KIF26A: variants seen among roughly 807,000 people sequenced by gnomAD.
KIF26A encodes kinesin family member 26A, also known as kinesin-like protein KIF26A.
In KIF26A, 74 loss-of-function variants were observed where a neutral mutation model predicts 126.0. That is an observed-to-expected ratio of 0.59 (90% CI 0.49 to 0.71). The LOEUF (loss-of-function observed/expected upper bound fraction) is 0.71. Among genes scored for constraint, KIF26A ranks in the 30% least tolerant of loss-of-function variants. The pLI is 0.00. For missense variants in KIF26A, 2,984 were observed against 2,763.3 expected, an observed-to-expected ratio of 1.08 and a Z score of -1.79; for synonymous variants, 1,445 against 1,232.7, an observed-to-expected ratio of 1.17 and a Z score of -3.61.
At chr14:104,165,299 A>ATG (rs1429818311) in intron 4 of KIF26A, among the ~76,000 whole-genome samples, 1 of 141,624 alleles carries the variant, frequency 7.1e-6, no homozygotes, top group Non-Finnish European at 1.5e-5. Context: ...CTCTGTATGC[A>ATG]TGTGTGTCTG....
rs757486376 is a variant in KIF26A at position 104,179,369 on chromosome 14, G to A, written c.5450G>A (p.Gly1817Asp). The change falls in exon 14 of 15, where the codon GGC (glycine) becomes GAC (aspartate). Residue 1817 changes from glycine to aspartate, a missense_variant. By Grantham distance (94) the Gly-to-Asp change is moderately conservative. Coordinates refer to ENST00000423312, the MANE Select transcript of KIF26A (RefSeq NM_015656.2). ...CAGGGCCGGCTGATGCTGGAGCCTGGCCGCTGGCTGGAGCAGTGTGAGTCC... is the reference window on the plus strand; with the variant it reads ...CAGGGCCGGCTGATGCTGGAGCCTGACCGCTGGCTGGAGCAGTGTGAGTCC... ...ETQGRLMLEP[G>D]RWLEQFEVDP... The A allele has an allele frequency of 2.6e-6, 4 of 1,530,048 alleles. No individual in the cohort carries two copies. Among genetic ancestry groups the A allele is most frequent in the East Asian group, 4.9e-5 (2 of 40,790 alleles). 94.8% of individuals were successfully genotyped at this position (1,530,048 alleles called of 1,614,324 possible). A position where few individuals can be genotyped will look rare whatever the true frequency, so the allele number is the denominator to read the frequency against.
chr14:104,138,900 G>A (rs1014075949), intron 1 of KIF26A, 136 bp downstream of exon 1: 5 of 1,251,174 alleles, frequency 4.0e-6, no homozygotes, highest in Non-Finnish European at 5.0e-6. Context: ...GACCTCCGGG[G>A]ATGGAGGGAG....
rs781186307 is a variant in KIF26A at position 104,157,918 on chromosome 14, C to T, written c.899C>T (p.Ser300Leu). The T allele has an allele frequency of 9.9e-6, 15 of 1,521,602 alleles. No individual in the cohort carries two copies. The highest frequency in any genetic ancestry group is 2.5e-5 in the South Asian group (2 of 79,298). 94.3% of individuals were successfully genotyped at this position (1,521,602 alleles called of 1,614,324 possible). The change falls in exon 4 of 15, where the codon TCA (serine) becomes TTA (leucine). Residue 300 changes from serine to leucine, a missense_variant. Transcript: ENST00000423312. ...TCGGTGGGGGGCTCCACAGGCCCCTCAGCTGCAGCCTCCTTCTTCATAAGG... is the reference window on the plus strand; with the variant it reads ...TCGGTGGGGGGCTCCACAGGCCCCTTAGCTGCAGCCTCCTTCTTCATAAGG... ...PGSVGGSTGP[S>L]AAASFFIRAM...
At position 104,152,583 on chromosome 14, in the gene KIF26A, G is replaced by A. The variant is rs1176512888; in HGVS notation, c.735+122G>A. The A allele has an allele frequency of 4.5e-5, 40 of 889,218 alleles. 1 individual carries two copies. The Middle Eastern group carries it at 1.4e-3, about 31-fold the overall frequency. The allele number at this position is 889,218 out of a possible 1,614,324, so 55.1% of individuals were successfully genotyped here. Reference sequence around the variant, plus strand: ...GGCTTCCCTGAAGGGAGGGGACGGCGGGCATGGGGGTTCCTGACACTCCTG... The same window carrying A: ...GGCTTCCCTGAAGGGAGGGGACGGCAGGCATGGGGGTTCCTGACACTCCTG... On this transcript the variant is annotated intron_variant, in intron 3 of 14. Transcript: ENST00000423312. This position sits in a 1 kb window ranked among gnomAD's most constrained non-coding sequence, Gnocchi z 5.9.
intron 4 of KIF26A, among the ~76,000 whole-genome samples, chr14:104,165,613 G>C (rs556222654): frequency 1.2e-4 from 18 of 146,668 alleles, no homozygotes; most frequent in Admixed American, 5.3e-4. Flanking sequence ...GTGTGTCTCT[G>C]TCTCTGTATG....
At chr14:104,170,931 C>T (rs1426347749) in intron 5 of KIF26A, among the ~76,000 whole-genome samples, 2 of 152,224 alleles carry the variant, frequency 1.3e-5, no homozygotes, top group East Asian at 1.9e-4. Context: ...GCTTTGGAGA[C>T]GCCATTGCTT....
intron 5 of KIF26A, among the ~76,000 whole-genome samples, chr14:104,168,318 G>A (rs375583765): frequency 1.2e-3 from 183 of 152,314 alleles, no homozygotes; most frequent in South Asian, 2.7e-3. Flanking sequence ...GTGATGTAGC[G>A]AGCATTGTAC....
At position 104,176,770 on chromosome 14, in the gene KIF26A, G is replaced by A. The variant is rs746454581; in HGVS notation, c.3982G>A (p.Glu1328Lys). The change falls in exon 12 of 15, where the codon GAG becomes AAG. Residue 1328 changes from glutamate (E) to lysine (K), a missense_variant. Transcript: ENST00000423312. ...TGTGTCCTGGGGAGATGCTCCCACG[G>A]AGGTGGTGGCCTGCTCGGGGAGCCT... ...PAVSWGDAPTEVVACSGSLKA... is the reference protein window; with the variant it reads ...PAVSWGDAPTKVVACSGSLKA... 6.3e-6 allele frequency: 10 copies of A among 1,580,888 alleles called. No individual in the cohort carries two copies. Among genetic ancestry groups the A allele is most frequent in the Non-Finnish European group, 8.6e-6 (10 of 1,164,888 alleles).
chr14:104,179,336 C>T lies in KIF26A; in HGVS notation c.5417C>T (p.Ala1806Val). Residue 1806 changes from alanine to valine, a missense_variant, in exon 14 of 15, where the codon GCC becomes GTC. Physicochemically the swap from Ala to Val is moderately conservative, Grantham distance 64. Transcript: ENST00000423312. ...AKHKHLCEEL[A>V]ETQGRLMLEP... Reference sequence around the variant, plus strand: ...CACAAGCACCTGTGTGAGGAGCTGGCCGAGACCCAGGGCCGGCTGATGCTG... The same window carrying T: ...CACAAGCACCTGTGTGAGGAGCTGGTCGAGACCCAGGGCCGGCTGATGCTG... 6.5e-7 allele frequency: 1 copy of T among 1,540,234 alleles called. No homozygotes were observed. The highest frequency in any genetic ancestry group is 1.4e-5 in the African/African-American group (1 of 73,026).
rs1483419517 is a variant in KIF26A at position 104,175,207 on chromosome 14, G to A, written c.2419G>A (p.Asp807Asn). 1 of 1,609,670 alleles carries A rather than the reference G, an allele frequency of 6.2e-7. No homozygotes were observed. The highest frequency in any genetic ancestry group is 1.1e-5 in the South Asian group (1 of 90,560). Reference protein sequence around the residue: ...GAALSDRELTDNEGPPDFVPI... With the variant: ...GAALSDRELTNNEGPPDFVPI... ...GGCGCTGTCAGACCGGGAGCTCACCGACAACGAAGGTCCGCCTGACTTCGT... is the reference window on the plus strand; with the variant it reads ...GGCGCTGTCAGACCGGGAGCTCACCAACAACGAAGGTCCGCCTGACTTCGT... The change falls in exon 12 of 15, where the codon GAC becomes AAC. Residue 807 changes from aspartate (D) to asparagine (N), a missense_variant. Coordinates refer to ENST00000423312, the MANE Select transcript of KIF26A (RefSeq NM_015656.2).
rs778598083 is a variant in KIF26A at position 104,175,110 on chromosome 14, C to T, written c.2322C>T (p.Pro774=). The T allele has an allele frequency of 2.8e-5, 45 of 1,604,820 alleles. No homozygotes were observed. Among genetic ancestry groups the T allele is most frequent in the African/African-American group, 4.0e-5 (3 of 74,764 alleles). ...CCGACCGCACGCCTCCCTGCCTGCCCGGTGACCCCGATTACTCCTCCAGCA... is the reference window on the plus strand; with the variant it reads ...CCGACCGCACGCCTCCCTGCCTGCCTGGTGACCCCGATTACTCCTCCAGCA... The part of the protein sequence containing the change: ...LDPDRTPPCL[P]GDPDYSSSSE... The change falls in exon 12 of 15, where the codon CCC becomes CCT. Residue 774 remains proline, a synonymous_variant. Transcript: ENST00000423312.
intron 14 of KIF26A, 33 bp from the exon 15 acceptor site, chr14:104,179,576 G>T (rs748479497): frequency 1.8e-5 from 27 of 1,479,568 alleles, no homozygotes; most frequent in Non-Finnish European, 2.4e-5. Flanking sequence ...CGGGCCTGAC[G>T]CAGGTGCCCC....
At position 104,180,214 on chromosome 14, in the gene KIF26A, C is replaced by T. The variant is rs570247426; in HGVS notation, c.*424C>T. On this transcript the variant is annotated 3_prime_UTR_variant, in exon 15 of 15. Transcript: ENST00000423312. ...TGGAGTGGAGTGGGACTTACCTGCACGCCCCAGGGGTCTTTCAGGATTCAG... is the reference window on the plus strand; with the variant it reads ...TGGAGTGGAGTGGGACTTACCTGCATGCCCCAGGGGTCTTTCAGGATTCAG... The T allele has an allele frequency of 4.3e-5, 7 of 163,856 alleles. No homozygotes were observed. Among genetic ancestry groups the T allele is most frequent in the South Asian group, 2.0e-4 (1 of 5,094 alleles). The allele number at this position is 163,856 out of a possible 1,614,324, so 10.2% of individuals were successfully genotyped here.
Position 104,173,797 on chromosome 14 carries a change from G to C in KIF26A, c.1959G>C (p.Leu653=), listed in dbSNP as rs781135612. The change falls in exon 10 of 15, where the codon CTG becomes CTC. Residue 653 remains leucine (L), a synonymous_variant. Coordinates refer to ENST00000423312, the MANE Select transcript of KIF26A (RefSeq NM_015656.2). ...CCGGGGAGGCTGCTGGGGGTCCCCT[G>C]TGTCTGTCCCTGTCGGCCCTGGGCA... The part of the protein sequence containing the change: ...GRAGEAAGGP[L]CLSLSALGSV... 4.4e-6 allele frequency: 7 copies of C among 1,606,000 alleles called. No homozygotes were observed. Among genetic ancestry groups the C allele is most frequent in the South Asian group, 3.3e-5 (3 of 91,020 alleles).
chr14:104,176,864 C>T lies in KIF26A; in HGVS notation c.4076C>T (p.Ala1359Val), dbSNP rs544376085. The change falls in exon 12 of 15, where the codon GCG becomes GTG. Residue 1359 changes from alanine (A) to valine (V), a missense_variant. Ala to Val is a moderately conservative substitution (Grantham distance 64). Transcript: ENST00000423312. ...GGCTTCCTCCCGAGGCCCAGTGGGG[C>T]GGCCCCCCCGGCCCCACCCACGCGG... Reference protein sequence around the residue: ...KAGFLPRPSGAAPPAPPTRKS... With the variant: ...KAGFLPRPSGVAPPAPPTRKS... 3.2e-5 allele frequency: 49 copies of T among 1,541,380 alleles called. 1 individual carries two copies. The highest frequency in any genetic ancestry group is 2.1e-4 in the African/African-American group (15 of 73,028).
rs576339078 is a variant in KIF26A at position 104,176,585 on chromosome 14, G to A, written c.3797G>A (p.Gly1266Asp). 2.2e-5 allele frequency: 36 copies of A among 1,608,066 alleles called. 1 individual carries two copies. In the Middle Eastern group the frequency reaches 9.9e-4, roughly 44 times the overall value. Reference sequence around the variant, plus strand: ...GGCAGGGCCCCCAGCCCCACACTTGGCTCCCCCCGGCTGCCTGAGGCCCAG... The same window carrying A: ...GGCAGGGCCCCCAGCCCCACACTTGACTCCCCCCGGCTGCCTGAGGCCCAG... ...SAGRAPSPTL[G>D]SPRLPEAQVM... The change falls in exon 12 of 15, where the codon GGC (glycine) becomes GAC (aspartate). Residue 1266 changes from glycine (G) to aspartate (D), a missense_variant. Transcript: ENST00000423312.
At chr14:104,170,185 AGTG>A (rs1340473978) in intron 5 of KIF26A, among the ~76,000 whole-genome samples, 1 of 152,254 alleles carries the variant, frequency 6.6e-6, no homozygotes, top group African/African-American at 2.4e-5. Context: ...TGGCTCCTGA[AGTG>A]GTGAGGAGTT....
chr14:104,169,557 C>T (rs1051230361), intron 5 of KIF26A, among the ~76,000 whole-genome samples: 1 of 152,166 alleles, frequency 6.6e-6, no homozygotes, highest in African/African-American at 2.4e-5. Flanking sequence ...CCCCCCAGCT[C>T]CCCGGGTGTT....
intron 13 of KIF26A, 121 bp from the exon 14 acceptor site, chr14:104,179,115 G>A (rs2038071134): frequency 8.5e-7 from 1 of 1,181,678 alleles, no homozygotes; most frequent in Non-Finnish European, 1.1e-6. Flanking sequence ...CGCCCTTGGA[G>A]CCCCACTGTG....
Sources: gnomAD v4.1 joint callset for allele counts (sites outside exome capture counted in the v4.1 genomes callset) on GRCh38, gnomAD v4.1.1 for gene constraint, Gnocchi (gnomAD v3.1) non-coding constraint, MANE v1.5 for transcripts, NCBI Gene and HGNC (gene_info 2026-07-23, HGNC 2026-07-21) for gene names.